Variants in PRKG1 observed in about 807,000 individuals in gnomAD.
PRKG1 encodes cGMP-dependent protein kinase 1.
PRKG1 carries 35 observed loss-of-function variants against 88.1 expected under a neutral mutation model. That is an observed-to-expected ratio of 0.40 (90% CI 0.30 to 0.53). PRKG1 has a LOEUF of 0.53. Ranked by LOEUF, PRKG1 falls within the 20% of genes least tolerant of loss-of-function variation. The pLI, the probability that PRKG1 is intolerant of heterozygous loss-of-function variation, is 0.59. For missense variants in PRKG1, 540 were observed against 839.8 expected (o/e 0.64, Z 4.41); for synonymous variants, 303 against 292.5 (o/e 1.04, Z -0.37).
intron 7 of PRKG1, among the ~76,000 whole-genome samples, chr10:52,124,667 A>G (rs1461715072): frequency 6.6e-6 from 1 of 152,134 alleles, no homozygotes; most frequent in African/African-American, 2.4e-5. Flanking sequence ...GCTTATTGTA[A>G]TTTTTTACTT....
chr10:51,129,358 T>G, intron 1 of PRKG1, among the ~76,000 whole-genome samples: 1 of 151,782 alleles, frequency 6.6e-6, no homozygotes, highest in East Asian at 1.9e-4. Context: ...GGCATGATAA[T>G]CGCTTGAACC....
intron 2 of PRKG1, among the ~76,000 whole-genome samples, chr10:51,259,180 A>G (rs1250164553): frequency 6.6e-6 from 1 of 152,206 alleles, no homozygotes; most frequent in East Asian, 1.9e-4. Flanking sequence ...CTATATATAT[A>G]CACACATATA....
chr10:51,112,125 G>A (rs1489847506), intron 1 of PRKG1, among the ~76,000 whole-genome samples: 1 of 152,160 alleles, frequency 6.6e-6, no homozygotes, highest in Non-Finnish European at 1.5e-5. Context: ...AACTGGTCTT[G>A]TCTTATTTAC....
chr10:51,197,332 A>C (rs1276263578), intron 2 of PRKG1, among the ~76,000 whole-genome samples: 1 of 152,012 alleles, frequency 6.6e-6, no homozygotes, highest in African/African-American at 2.4e-5. Flanking sequence ...GAGAGCAGTG[A>C]CATGATCTCG....
At chr10:51,979,873 T>G (rs1843961163) in intron 5 of PRKG1, among the ~76,000 whole-genome samples, 1 of 152,078 alleles carries the variant, frequency 6.6e-6, no homozygotes, top group South Asian at 2.1e-4. Context: ...ATTTGGATCT[T>G]CTCTCTTTTG....
At chr10:51,303,588 C>T (rs1840950956) in intron 2 of PRKG1, among the ~76,000 whole-genome samples, 1 of 151,920 alleles carries the variant, frequency 6.6e-6, no homozygotes, top group African/African-American at 2.4e-5. Context: ...TCTCGTCTTA[C>T]TGGGCATGAT....
intron 1 of PRKG1, among the ~76,000 whole-genome samples, chr10:51,126,045 T>G (rs1845392626): frequency 8.1e-6 from 1 of 123,366 alleles, no homozygotes; most frequent in African/African-American, 3.3e-5. Flanking sequence ...TCTAATATAC[T>G]ATATATAATT....
chr10:51,975,914 A>G (rs1329455679), intron 5 of PRKG1, among the ~76,000 whole-genome samples: 2 of 152,072 alleles, frequency 1.3e-5, no homozygotes, highest in Admixed American at 1.3e-4. Context: ...TTACTATTCA[A>G]TAATAAAAAG....
At chr10:51,304,856 G>A (rs1840994318) in intron 2 of PRKG1, among the ~76,000 whole-genome samples, 1 of 151,890 alleles carries the variant, frequency 6.6e-6, no homozygotes. Context: ...GTGTATATGT[G>A]CCACATATCT....
chr10:50,991,882 C>T lies in PRKG1; in HGVS notation c.266+238C>T, dbSNP rs965775692. ...AGGCGAGCTGCACGGGGAGACGCGC[C>T]CCTGTGGCGTGGGGGTGGGGAGGAG... On this transcript the variant is annotated intron_variant, in intron 1 of 17. Transcript: ENST00000401604. The surrounding 1 kb of genome is among the most constrained non-coding windows in gnomAD (Gnocchi z 4.5). 3.9e-5 allele frequency among the ~76,000 whole-genome samples: 6 copies of T among 152,130 alleles called. No homozygotes were observed. Among genetic ancestry groups the T allele is most frequent in the East Asian group, 1.9e-4 (1 of 5,176 alleles).
chr10:52,182,914 C>G (rs1030891358), intron 9 of PRKG1, among the ~76,000 whole-genome samples: 1 of 152,112 alleles, frequency 6.6e-6, no homozygotes, highest in Non-Finnish European at 1.5e-5. Context: ...GGCACTAGCA[C>G]CTGCTTAGCT....
At chr10:51,885,226 A>G (rs1008762190) in intron 4 of PRKG1, among the ~76,000 whole-genome samples, 37 of 152,222 alleles carry the variant, frequency 2.4e-4, no homozygotes, top group Admixed American at 1.8e-3. Context: ...ATGTACAGAG[A>G]TAGAGCAGTA....
At chr10:52,123,626 G>T (rs10762572) in intron 7 of PRKG1, among the ~76,000 whole-genome samples, 146,068 of 152,250 alleles carry the variant, frequency 0.96, 70,320 homozygotes, top group East Asian at 1. Context: ...AAATTGTTCT[G>T]TAATATATGA....
chr10:52,186,150 C>A (rs763065633), intron 9 of PRKG1, among the ~76,000 whole-genome samples: 11 of 152,156 alleles, frequency 7.2e-5, no homozygotes, highest in African/African-American at 2.7e-4. Context: ...TTAATTGGCT[C>A]ATGGTTCTGC....
Position 51,486,956 on chromosome 10 carries a change from C to T in PRKG1, c.592+19120C>T, listed in dbSNP as rs577506602. Among the ~76,000 whole-genome samples, 4 of 151,958 alleles carry T rather than the reference C, an allele frequency of 2.6e-5. No homozygotes were observed. In the South Asian group the frequency reaches 8.3e-4, roughly 32 times the overall value. ...CAAATTCCAATTAATATTCAGATTG[C>T]CACAGGCTTTTTTCTCTCTCTTTCA... On this transcript the variant is annotated intron_variant, in intron 3 of 17. Transcript: ENST00000373980.
At chr10:51,982,640 C>T (rs536228597) in intron 5 of PRKG1, among the ~76,000 whole-genome samples, 1 of 152,300 alleles carries the variant, frequency 6.6e-6, no homozygotes, top group South Asian at 2.1e-4. Context: ...TTATCAGCCC[C>T]AAACTTTGTT....
At chr10:51,739,896 G>C (rs540142845) in intron 3 of PRKG1, among the ~76,000 whole-genome samples, 6 of 152,258 alleles carry the variant, frequency 3.9e-5, no homozygotes, top group Non-Finnish European at 5.9e-5. Context: ...TCACTTTATA[G>C]TGCAACTGCA....
chr10:51,167,105 A>G (rs1235995390), intron 2 of PRKG1, among the ~76,000 whole-genome samples: 1 of 152,182 alleles, frequency 6.6e-6, no homozygotes, highest in Non-Finnish European at 1.5e-5. Context: ...TGGCAGGGGA[A>G]AAAGATAAAA....
At chr10:52,019,860 C>T (rs750105082) in intron 5 of PRKG1, among the ~76,000 whole-genome samples, 1 of 152,120 alleles carries the variant, frequency 6.6e-6, no homozygotes, top group Non-Finnish European at 1.5e-5. Flanking sequence ...AGATAAAATC[C>T]TCTGAGCTGA....
Sources: allele counts gnomAD v4.1 joint callset (sites outside exome capture counted in the v4.1 genomes callset), GRCh38; gene constraint gnomAD v4.1.1; non-coding constraint Gnocchi (gnomAD v3.1); transcripts MANE v1.5; gene names NCBI Gene and HGNC (gene_info 2026-07-23, HGNC 2026-07-21).